The following GLMN variants were observed in gnomAD, a reference collection of about 807,000 sequenced individuals.
GLMN encodes the protein glomulin.
GLMN carries 75 observed loss-of-function variants against 87.8 expected under a neutral mutation model. The observed-to-expected ratio is 0.85, with a 90% CI of 0.71 to 1.04. GLMN has a LOEUF of 1.04. Among genes scored for constraint, GLMN ranks in the 50% least tolerant of loss-of-function variants. GLMN has a pLI of 0.00. For missense variants in GLMN, 588 were observed against 658.8 expected (o/e 0.89, Z 1.18); for synonymous variants, 206 against 221.6 (o/e 0.93, Z 0.63).
the GLMN span, among the ~76,000 whole-genome samples, chr1:92,347,241 G>A: frequency 2.6e-5 from 4 of 152,158 alleles, no homozygotes; most frequent in African/African-American, 9.7e-5. Context: ...AGCTGAATTG[G>A]TAATTTGTGA....
At chr1:92,310,245 A>G in the GLMN span, among the ~76,000 whole-genome samples, 2 of 152,194 alleles carry the variant, frequency 1.3e-5, no homozygotes, top group African/African-American at 4.8e-5. Flanking sequence ...CCAAATTCTT[A>G]GGGGCAGGGA....
intron 11 of GLMN, 55 bp downstream of exon 11, chr1:92,267,858 A>G: frequency 1.1e-6 from 1 of 886,670 alleles, no homozygotes; most frequent in South Asian, 1.3e-5. Context: ...ACCTTACTTT[A>G]AGTTCAGAAC....
the GLMN span, among the ~76,000 whole-genome samples, chr1:92,361,609 A>T: frequency 6.6e-6 from 1 of 152,298 alleles, no homozygotes; most frequent in East Asian, 1.9e-4. Context: ...TCTGATAAAG[A>T]TGGGACTATT....
intron 13 of GLMN, among the ~76,000 whole-genome samples, chr1:92,265,301 C>A (rs1655484301): frequency 1.4e-5 from 2 of 148,002 alleles, no homozygotes; most frequent in East Asian, 2.0e-4. Flanking sequence ...GAAAGTAGTC[C>A]AGTGCTAGAG....
At chr1:92,346,569 A>C in the GLMN span, among the ~76,000 whole-genome samples, 5 of 152,202 alleles carry the variant, frequency 3.3e-5, no homozygotes, top group Non-Finnish European at 7.3e-5. Flanking sequence ...AATGGGCTTC[A>C]TTATTTTACA....
intron 16 of GLMN, among the ~76,000 whole-genome samples, chr1:92,260,981 T>G (rs1161878365): frequency 1.3e-5 from 2 of 152,144 alleles, no homozygotes; most frequent in Non-Finnish European, 2.9e-5. Flanking sequence ...CACCTATCAA[T>G]CCTAATCAAC....
chr1:92,253,260 C>T (rs1007400965), intron 16 of GLMN, among the ~76,000 whole-genome samples: 1 of 152,296 alleles, frequency 6.6e-6, no homozygotes, highest in South Asian at 2.1e-4. Context: ...AGAAAGGCAG[C>T]AGCTCCAGTC....
chr1:92,269,368 C>T (rs959789707), intron 9 of GLMN, among the ~76,000 whole-genome samples: 17 of 152,098 alleles, frequency 1.1e-4, no homozygotes, highest in Admixed American at 3.3e-4. Context: ...AGGAAAAATA[C>T]GGAAGAACTT....
the GLMN span, among the ~76,000 whole-genome samples, chr1:92,329,592 G>A: frequency 6.6e-6 from 1 of 152,176 alleles, no homozygotes; most frequent in African/African-American, 2.4e-5. Flanking sequence ...GGTAGTTCTT[G>A]GAGCAAAAGT....
intron 11 of GLMN, among the ~76,000 whole-genome samples, chr1:92,267,498 T>C (rs1655769002): frequency 6.6e-6 from 1 of 151,742 alleles, no homozygotes; most frequent in South Asian, 2.1e-4. Context: ...AGTCAGGAGA[T>C]CGAGACCATC....
intron 6 of GLMN, among the ~76,000 whole-genome samples, chr1:92,288,280 T>C (rs1004660999): frequency 5.9e-5 from 9 of 152,102 alleles, no homozygotes; most frequent in Admixed American, 6.6e-5. Context: ...ACACAATTTC[T>C]CCACAGAGCT....
rs1181010785 is a variant in GLMN at position 92,268,149 on chromosome 1, T to C, written c.978-14A>G. ...GACTCTTCTGTTCTGAAAAATAATATTAAAATTTATCATGAATTTGTAAAC... is the reference window on the plus strand; with the variant it reads ...GACTCTTCTGTTCTGAAAAATAATACTAAAATTTATCATGAATTTGTAAAC... On this transcript the variant is annotated splice_polypyrimidine_tract_variant and intron_variant, in intron 9 of 18. Coordinates refer to ENST00000370360, the MANE Select transcript of GLMN (RefSeq NM_053274.3). 9.3e-6 allele frequency: 12 copies of C among 1,287,874 alleles called. No homozygotes were observed. Among genetic ancestry groups the C allele is most frequent in the Admixed American group, 1.7e-5 (1 of 58,120 alleles). The allele number at this position is 1,287,874 out of a possible 1,614,324, so 79.8% of individuals were successfully genotyped here.
At chr1:92,357,470 A>G in the GLMN span, among the ~76,000 whole-genome samples, 1 of 152,216 alleles carries the variant, frequency 6.6e-6, no homozygotes, top group East Asian at 1.9e-4. Flanking sequence ...GGAAGTACCT[A>G]TAGCGTGAAA....
intron 16 of GLMN, 151 bp downstream of exon 16, chr1:92,262,712 T>C (rs1270112728): frequency 1.9e-6 from 1 of 531,346 alleles, no homozygotes; most frequent in East Asian, 3.4e-5. Context: ...CTCCTGGGAA[T>C]TAACTTCAGG....
At chr1:92,334,907 G>C in the GLMN span, among the ~76,000 whole-genome samples, 4 of 152,072 alleles carry the variant, frequency 2.6e-5, no homozygotes, top group Non-Finnish European at 4.4e-5. Context: ...AGAATGGCCC[G>C]AACCCAGGAG....
At chr1:92,320,420 GC>G in the GLMN span, among the ~76,000 whole-genome samples, 58 of 151,986 alleles carry the variant, frequency 3.8e-4, no homozygotes, top group East Asian at 4.5e-3. Flanking sequence ...CTACAGGCGC[GC>G]ACCGCCATGT....
At chr1:92,346,722 A>G in the GLMN span, among the ~76,000 whole-genome samples, 1 of 152,216 alleles carries the variant, frequency 6.6e-6, no homozygotes. Flanking sequence ...AAGCATATAT[A>G]AAACATTTAG....
rs993748944 is a variant in GLMN, at chr1:92,290,254, G to A, written c.338C>T (p.Pro113Leu). ...LLGLLELIEE[P>L]SGKQISQSIL... The stretch of plus-strand genomic sequence containing the variant: ...ACTTTGGGATATCTGTTTTCCAGAG[G>A]GCTCTTCAATCAGTTCAAGCAAACC... The change falls in exon 5 of 19, where the codon CCC (proline) becomes CTC (leucine). Residue 113 changes from proline to leucine, a missense_variant. Physicochemically the swap from Pro to Leu is moderately conservative, Grantham distance 98. Coordinates refer to ENST00000370360, the MANE Select transcript of GLMN (RefSeq NM_053274.3). 2 of 1,610,800 alleles carry A rather than the reference G, an allele frequency of 1.2e-6. No individual in the cohort carries two copies. Among genetic ancestry groups the A allele is most frequent in the Non-Finnish European group, 1.7e-6 (2 of 1,177,398 alleles).
the GLMN span, among the ~76,000 whole-genome samples, chr1:92,337,270 C>G: frequency 1.1e-4 from 16 of 152,146 alleles, no homozygotes; most frequent in East Asian, 2.9e-3. Flanking sequence ...AATTACAGTA[C>G]AGGAACAGTT....
Sources: allele counts gnomAD v4.1 joint callset (sites outside exome capture counted in the v4.1 genomes callset), GRCh38; gene constraint gnomAD v4.1.1; transcripts MANE v1.5; gene names NCBI Gene and HGNC (gene_info 2026-07-23, HGNC 2026-07-21).